ATP6V0A4: variants seen among roughly 807,000 people sequenced by gnomAD.
The protein encoded by ATP6V0A4 is ATPase H+ transporting V0 subunit a4, also known as V-type proton ATPase 116 kDa subunit a 4.
ATP6V0A4 carries 86 observed loss-of-function variants against 107.3 expected under a neutral mutation model. The observed-to-expected ratio is 0.80, with a 90% CI of 0.67 to 0.96. ATP6V0A4 has a LOEUF of 0.96. ATP6V0A4 is among the 40% of genes least tolerant of loss of function. The probability of loss-of-function intolerance (pLI) is 0.00; values close to 1 mark genes in which losing one functional copy is unlikely to be tolerated. For missense variants in ATP6V0A4, 908 were observed against 1,045.6 expected, an observed-to-expected ratio of 0.87 and a Z score of 1.81; for synonymous variants, 353 against 381.4, an observed-to-expected ratio of 0.93 and a Z score of 0.87.
chr7:138,734,777 CA>C (rs528307650), intron 15 of ATP6V0A4, among the ~76,000 whole-genome samples: 4,331 of 108,774 alleles, frequency 0.04, 105 homozygotes, highest in East Asian at 0.15. Context: ...GACTCTGTCT[CA>C]AAAAAAAAAA....
chr7:138,745,693 C>A (rs991036550), intron 13 of ATP6V0A4, among the ~76,000 whole-genome samples: 11 of 86,578 alleles, frequency 1.3e-4, no homozygotes, highest in Admixed American at 2.7e-4. Flanking sequence ...ATGGCTCACA[C>A]CTGTAATCCC....
intron 19 of ATP6V0A4, among the ~76,000 whole-genome samples, chr7:138,720,085 T>A (rs1442797665): frequency 6.6e-6 from 1 of 151,994 alleles, no homozygotes; most frequent in African/African-American, 2.4e-5. Context: ...TGAGTCATTT[T>A]GGCCCCAAAG....
intron 20 of ATP6V0A4, among the ~76,000 whole-genome samples, chr7:138,711,026 A>C (rs991936680): frequency 1.3e-5 from 2 of 152,214 alleles, no homozygotes; most frequent in African/African-American, 4.8e-5. Flanking sequence ...CGAAAAGTTC[A>C]GGGGCAAATG....
chr7:138,744,254 T>C (rs1377270233), intron 14 of ATP6V0A4, among the ~76,000 whole-genome samples: 1 of 151,502 alleles, frequency 6.6e-6, no homozygotes, highest in Non-Finnish European at 1.5e-5. Flanking sequence ...TTTTTTTTTT[T>C]TCAGTTGGAG....
intron 19 of ATP6V0A4, among the ~76,000 whole-genome samples, chr7:138,717,407 G>T (rs534902673): frequency 6.6e-6 from 1 of 152,236 alleles, no homozygotes; most frequent in African/African-American, 2.4e-5. Flanking sequence ...TTAACTGGGT[G>T]TGGTGGCGTG....
intron 12 of ATP6V0A4, among the ~76,000 whole-genome samples, chr7:138,748,048 G>A (rs866782446): frequency 9.9e-5 from 15 of 151,968 alleles, no homozygotes; most frequent in South Asian, 2.1e-4. Flanking sequence ...GAGCCACTGT[G>A]CCCAGCCTAT....
In ATP6V0A4 at chr7:138,786,247, A is replaced by G. The variant is rs1039592008; in HGVS notation, c.-107T>C. The G allele has an allele frequency of 6.6e-6, 1 of 152,192 alleles. No homozygotes were observed. Among genetic ancestry groups the G allele is most frequent in the Non-Finnish European group, 1.5e-5 (1 of 68,072 alleles). The allele number at this position is 152,192 out of a possible 1,614,324, so 9.4% of individuals were successfully genotyped here. ...GTCTTCACTTGCCACGTCATGGAGGAACTGGAAATGAGACTTAGGAAAATG... is the reference window on the plus strand; with the variant it reads ...GTCTTCACTTGCCACGTCATGGAGGGACTGGAAATGAGACTTAGGAAAATG... On this transcript the variant is annotated 5_prime_UTR_variant, in exon 2 of 22. Transcript: ENST00000310018.
chr7:138,709,323 C>T (rs1803615559), intron 21 of ATP6V0A4, among the ~76,000 whole-genome samples: 1 of 150,854 alleles, frequency 6.6e-6, no homozygotes, highest in African/African-American at 2.4e-5. Flanking sequence ...TGGGTTAAAG[C>T]CAATTGTAAT....
chr7:138,734,386 A>C, intron 15 of ATP6V0A4, 132 bp from the exon 16 acceptor site: 14 of 1,434,026 alleles, frequency 9.8e-6, no homozygotes, highest in African/African-American at 1.4e-5. Flanking sequence ...AGTCCAGCTC[A>C]ATGCATACAT....
At chr7:138,771,335 T>G in intron 2 of ATP6V0A4, 71 bp from the exon 3 acceptor site, 1 of 1,527,430 alleles carries the variant, frequency 6.5e-7, no homozygotes, top group Non-Finnish European at 8.9e-7. Context: ...GGTGAAATTT[T>G]TAAGTTAAAT....
chr7:138,739,688 T>TA, intron 14 of ATP6V0A4, 55 bp from the exon 15 acceptor site: 1 of 1,604,300 alleles, frequency 6.2e-7, no homozygotes, highest in Non-Finnish European at 8.5e-7. Flanking sequence ...GCAGAAAAGA[T>TA]ACTATAATAC....
At chr7:138,739,918 G>A (rs754155841) in intron 14 of ATP6V0A4, among the ~76,000 whole-genome samples, 2 of 152,040 alleles carry the variant, frequency 1.3e-5, no homozygotes, top group Non-Finnish European at 2.9e-5. Flanking sequence ...TGAGGTGGGA[G>A]GATCCCTTAA....
chr7:138,791,129 A>C (rs1808392724), intron 1 of ATP6V0A4, among the ~76,000 whole-genome samples: 1 of 152,084 alleles, frequency 6.6e-6, no homozygotes, highest in African/African-American at 2.4e-5. Context: ...AACAGGACTG[A>C]ATAGTTTGGC....
rs181626085 is a variant in ATP6V0A4, at chr7:138,792,920, A to C, written c.-121+5114T>G. 2.6e-4 allele frequency among the ~76,000 whole-genome samples: 40 copies of C among 152,246 alleles called. No individual in the cohort carries two copies. In the East Asian group the frequency reaches 6.9e-3, roughly 26 times the overall value. ...TAATATGATGGGAAAATGATTTAGC[A>C]TGCCAAACAAAACAAAAGAAACCTG... On this transcript the variant is annotated intron_variant, in intron 1 of 21. Transcript: ENST00000310018.
At chr7:138,762,795 C>G (rs1806892295) in intron 6 of ATP6V0A4, 105 bp downstream of exon 6, 1 of 1,346,790 alleles carries the variant, frequency 7.4e-7, no homozygotes. Context: ...AGCCATGGAA[C>G]AGAAACAGAG....
At position 138,728,455 on chromosome 7, in the gene ATP6V0A4, G is replaced by A. The variant is rs533878700; in HGVS notation, c.2010+306C>T. On this transcript the variant is annotated intron_variant, in intron 18 of 21. Coordinates refer to ENST00000310018, the MANE Select transcript of ATP6V0A4 (RefSeq NM_020632.3). Reference sequence around the variant, plus strand: ...TTAGCCAGGCTGGTCTCAAACTCCCGACCTCAGGTGATCCACCCGCCTCGG... The same window carrying A: ...TTAGCCAGGCTGGTCTCAAACTCCCAACCTCAGGTGATCCACCCGCCTCGG... 5.6e-4 allele frequency among the ~76,000 whole-genome samples: 85 copies of A among 152,056 alleles called. 1 individual carries two copies. The South Asian group carries it at 0.016, about 29-fold the overall frequency.
chr7:138,775,202 C>G (rs1456481086), intron 2 of ATP6V0A4, among the ~76,000 whole-genome samples: 1 of 151,946 alleles, frequency 6.6e-6, no homozygotes, highest in Non-Finnish European at 1.5e-5. Flanking sequence ...TACAGGGAAC[C>G]CCTACGTACA....
At chr7:138,717,909 G>GA (rs55813379) in intron 19 of ATP6V0A4, among the ~76,000 whole-genome samples, 3,639 of 70,754 alleles carry the variant, frequency 0.051, 148 homozygotes, top group Middle Eastern at 0.062. Context: ...CTCTGTCTCG[G>GA]AAAAAAAAAA....
intron 19 of ATP6V0A4, among the ~76,000 whole-genome samples, chr7:138,718,697 CGGATGTCTGCGGAGGGAGACGT>C (rs1562981303): frequency 0.061 from 8,255 of 134,582 alleles, 1,070 homozygotes; most frequent in Non-Finnish European, 0.067. Flanking sequence ...GGTGCAGTCA[CGGATGTCTGCGGAGGGAGACGT>C]CCAGGAAGGA....
Sources: gnomAD v4.1 joint callset for allele counts (sites outside exome capture counted in the v4.1 genomes callset) on GRCh38, gnomAD v4.1.1 for gene constraint, MANE v1.5 for transcripts, NCBI Gene and HGNC (gene_info 2026-07-23, HGNC 2026-07-21) for gene names.